Variants in SOS1 observed in about 807,000 individuals in gnomAD.
SOS1 encodes SOS Ras/Rac guanine nucleotide exchange factor 1.
A neutral mutation model predicts 157.6 loss-of-function variants in SOS1; 25 were observed. The ratio of observed to expected loss-of-function variants is 0.16; its 90% CI spans 0.12 to 0.22. The LOEUF (loss-of-function observed/expected upper bound fraction) is 0.22, where lower values mean the gene tolerates loss of function less well. Among genes scored for constraint, SOS1 ranks in the 10% least tolerant of loss-of-function variants. The pLI is 1.00. For synonymous variants in SOS1, 528 were observed against 534.0 expected, an observed-to-expected ratio of 0.99 and a Z score of 0.16; for missense variants, 1,237 against 1,599.1, an observed-to-expected ratio of 0.77 and a Z score of 3.86.
chr2:39,079,524 T>C (rs139359415), intron 1 of SOS1, among the ~76,000 whole-genome samples: 1 of 117,286 alleles, frequency 8.5e-6, no homozygotes, highest in African/African-American at 3.2e-5. Context: ...AGACGGAGTC[T>C]CGCTCTGTCG....
chr2:39,050,927 G>T (rs1670992860), intron 6 of SOS1, among the ~76,000 whole-genome samples: 1 of 152,010 alleles, frequency 6.6e-6, no homozygotes, highest in African/African-American at 2.4e-5. Context: ...CCCCTTGGCG[G>T]TATCTGTCTT....
At chr2:39,049,688 A>C (rs968351549) in intron 6 of SOS1, among the ~76,000 whole-genome samples, 2 of 152,028 alleles carry the variant, frequency 1.3e-5, no homozygotes, top group African/African-American at 4.8e-5. Context: ...TTTTTCTCCC[A>C]TTATGATCAC....
intron 1 of SOS1, among the ~76,000 whole-genome samples, chr2:39,076,817 G>A (rs902918400): frequency 6.6e-6 from 1 of 151,878 alleles, no homozygotes; most frequent in Non-Finnish European, 1.5e-5. Flanking sequence ...GGAAAGGAAG[G>A]AATAAAACTG....
chr2:39,097,947 CTA>C (rs1672831259), intron 1 of SOS1, among the ~76,000 whole-genome samples: 1 of 152,124 alleles, frequency 6.6e-6, no homozygotes, highest in Non-Finnish European at 1.5e-5. Flanking sequence ...TTTAAATTAA[CTA>C]TTTTTAAATT....
chr2:39,092,036 A>G (rs1672615646), intron 1 of SOS1, among the ~76,000 whole-genome samples: 1 of 152,216 alleles, frequency 6.6e-6, no homozygotes, highest in Non-Finnish European at 1.5e-5. Flanking sequence ...CAAATTGACC[A>G]TAAATTTTTA....
intron 1 of SOS1, among the ~76,000 whole-genome samples, chr2:39,075,602 G>A (rs1671942582): frequency 2.6e-5 from 4 of 151,638 alleles, no homozygotes; most frequent in Admixed American, 2.0e-4. Flanking sequence ...CTAGGAGTCC[G>A]AGACCAGCCT....
At chr2:39,012,840 A>T (rs1018883304) in intron 13 of SOS1, among the ~76,000 whole-genome samples, 1 of 152,154 alleles carries the variant, frequency 6.6e-6, no homozygotes, top group Non-Finnish European at 1.5e-5. Context: ...ATTGTACATG[A>T]AAGTACTATT....
At position 39,013,925 on chromosome 2, in the gene SOS1, G is replaced by A. The variant is rs931355622; in HGVS notation, c.2005C>T (p.Pro669Ser). 1 of 1,605,582 alleles carries A rather than the reference G, an allele frequency of 6.2e-7. No individual in the cohort carries two copies. The highest frequency in any genetic ancestry group is 8.5e-7 in the Non-Finnish European group (1 of 1,172,772). Residue 669 changes from proline (P) to serine (S), a missense_variant, in exon 12 of 23, where the codon CCC (proline) becomes TCC (serine). Pro to Ser is a moderately conservative substitution (Grantham distance 74). Around this residue, in one of 15 missense-constraint regions of SOS1, gnomAD observed 55 missense variants for 43.1 expected, o/e 1.27. Coordinates refer to ENST00000402219, the MANE Select transcript of SOS1 (RefSeq NM_005633.4). ...DRIAIENGDQ[P>S]LSAELKRFRK... The stretch of plus-strand genomic sequence containing the variant: ...AATCTTTTCAGTTCTGCACTCAAGG[G>A]TTGATCTCCATTCTCTATAGCTATG...
intron 17 of SOS1, among the ~76,000 whole-genome samples, chr2:38,998,053 T>C (rs976274643): frequency 2.0e-5 from 3 of 152,178 alleles, no homozygotes; most frequent in African/African-American, 7.2e-5. Context: ...ATACGATTTA[T>C]GTAAATTCTG....
chr2:39,092,201 T>C (rs972340589), intron 1 of SOS1, among the ~76,000 whole-genome samples: 2 of 152,206 alleles, frequency 1.3e-5, no homozygotes, highest in Admixed American at 1.3e-4. Flanking sequence ...ACTGGTTTTT[T>C]TTCTTTTTTC....
At chr2:38,996,687 A>G (rs892215416) in intron 19 of SOS1, among the ~76,000 whole-genome samples, 1 of 152,202 alleles carries the variant, frequency 6.6e-6, no homozygotes, top group African/African-American at 2.4e-5. Context: ...AAAAAAAATT[A>G]AAAACTTACA....
chr2:39,112,217 T>A (rs1673466693), intron 1 of SOS1, among the ~76,000 whole-genome samples: 1 of 152,170 alleles, frequency 6.6e-6, no homozygotes, highest in Non-Finnish European at 1.5e-5. Flanking sequence ...ACCAACTGTC[T>A]TCTCTCCCGG....
At chr2:39,105,067 G>A (rs1341899503) in intron 1 of SOS1, among the ~76,000 whole-genome samples, 1 of 151,958 alleles carries the variant, frequency 6.6e-6, no homozygotes, top group Non-Finnish European at 1.5e-5. Context: ...ATGTTCTATA[G>A]AAATCAGCCC....
chr2:39,108,622 C>T (rs1673298306), intron 1 of SOS1, among the ~76,000 whole-genome samples: 1 of 152,168 alleles, frequency 6.6e-6, no homozygotes, highest in South Asian at 2.1e-4. Context: ...GGCACAGTGG[C>T]TCACTCCTGT....
chr2:39,123,463 T>G (rs982966707), upstream of SOS1, among the ~76,000 whole-genome samples: 2 of 151,950 alleles, frequency 1.3e-5, no homozygotes, highest in Non-Finnish European at 1.5e-5. Context: ...GTTCAAGTGA[T>G]TTTCCTGCCT....
In SOS1 at chr2:39,012,289, C is replaced by G. The variant is rs759584440; in HGVS notation, c.2227G>C (p.Ala743Pro). The G allele has an allele frequency of 1.2e-5, 20 of 1,613,138 alleles. No homozygotes were observed. Among genetic ancestry groups the G allele is most frequent in the Non-Finnish European group, 1.6e-5 (19 of 1,179,436 alleles). The change falls in exon 14 of 23, where the codon GCA becomes CCA. Residue 743 changes from alanine (A) to proline (P), a missense_variant. Ala to Pro is a conservative substitution (Grantham distance 27). This residue lies in a region of SOS1 where 39 missense variants were observed against 40.5 expected (regional missense o/e 0.96). Transcript: ENST00000402219. ...ITKIIQRKKIARDNGPGHNIT... is the reference protein window; with the variant it reads ...ITKIIQRKKIPRDNGPGHNIT... ...TTATGACCTGGTCCATTGTCTCTTG[C>G]AATTTTTTTCCTTTGGATTATTTTA...
At chr2:39,067,875 C>T (rs1212444267) in intron 1 of SOS1, 122 bp from the exon 2 acceptor site, 5 of 835,752 alleles carry the variant, frequency 6.0e-6, no homozygotes, top group Admixed American at 1.8e-5. Flanking sequence ...TGCCAGCACT[C>T]TGGGAGGCCA....
chr2:39,103,080 A>T (rs1270839545), intron 1 of SOS1, among the ~76,000 whole-genome samples: 1 of 152,222 alleles, frequency 6.6e-6, no homozygotes, highest in Non-Finnish European at 1.5e-5. Context: ...TAACATCTAA[A>T]AGAGTACCTA....
At chr2:38,991,776 C>T (rs990630298) in intron 20 of SOS1, among the ~76,000 whole-genome samples, 4 of 152,142 alleles carry the variant, frequency 2.6e-5, no homozygotes, top group African/African-American at 9.7e-5. Context: ...AATCTCTTTG[C>T]ACTATGATTA....
Sources: allele counts gnomAD v4.1 joint callset (sites outside exome capture counted in the v4.1 genomes callset), GRCh38; gene constraint gnomAD v4.1.1; regional missense constraint gnomAD v4.1.1; transcripts MANE v1.5; gene names NCBI Gene and HGNC (gene_info 2026-07-23, HGNC 2026-07-21).